MAML3: variants seen among roughly 807,000 people sequenced by gnomAD.
MAML3 encodes the protein mastermind-like protein 3.
MAML3 carries 27 observed loss-of-function variants against 101.9 expected under a neutral mutation model. The ratio of observed to expected loss-of-function variants is 0.27; its 90% CI spans 0.20 to 0.37. MAML3 has a LOEUF of 0.37. MAML3 is among the 10% of genes least tolerant of loss of function. The pLI, the probability that MAML3 is intolerant of heterozygous loss-of-function variation, is 1.00. For missense variants in MAML3, 1,316 were observed against 1,444.9 expected (o/e 0.91, Z 1.45); for synonymous variants, 501 against 555.9 (o/e 0.90, Z 1.39).
chr4:139,965,641 ACTGTTT>A (rs1396300484), intron 1 of MAML3, among the ~76,000 whole-genome samples: 25 of 152,186 alleles, frequency 1.6e-4, no homozygotes, highest in African/African-American at 6.0e-4. Context: ...AACATATATA[ACTGTTT>A]CTAACACATC....
intron 1 of MAML3, among the ~76,000 whole-genome samples, chr4:139,991,330 G>A (rs1734667585): frequency 6.6e-6 from 1 of 152,150 alleles, no homozygotes; most frequent in Admixed American, 6.5e-5. Context: ...AAACGGTGCT[G>A]GGAAAACAGG....
intron 2 of MAML3, among the ~76,000 whole-genome samples, chr4:139,765,808 T>C (rs903079374): frequency 1.3e-5 from 2 of 151,938 alleles, no homozygotes; most frequent in African/African-American, 4.8e-5. Context: ...CATAGCAAGA[T>C]TTTGTCTGCA....
chr4:139,937,377 T>C (rs1370468926), intron 1 of MAML3, among the ~76,000 whole-genome samples: 2 of 151,938 alleles, frequency 1.3e-5, no homozygotes, highest in Non-Finnish European at 2.9e-5. Context: ...GTCTAGACAA[T>C]GATCTAGCAA....
chr4:139,912,493 C>T (rs1357825824), intron 1 of MAML3, among the ~76,000 whole-genome samples: 1 of 152,216 alleles, frequency 6.6e-6, no homozygotes, highest in African/African-American at 2.4e-5. Flanking sequence ...AAATTGCGTC[C>T]TCCCCAGCAA....
At position 139,726,685 on chromosome 4, in the gene MAML3, A is replaced by T. The variant is rs558790914; in HGVS notation, c.2332-850T>A. On this transcript the variant is annotated intron_variant, in intron 3 of 4. Coordinates refer to ENST00000509479, the MANE Select transcript of MAML3 (RefSeq NM_018717.5). ...GCCTGTAAAATACATCTCTACATGT[A>T]AACTATTCAGCATTTACTGCTTTGA... is the stretch of plus-strand genomic sequence containing the variant. Among the ~76,000 whole-genome samples, 11 of 151,952 alleles carry T rather than the reference A, an allele frequency of 7.2e-5. No homozygotes were observed. In the East Asian group the frequency reaches 2.1e-3, roughly 28 times the overall value.
intron 2 of MAML3, among the ~76,000 whole-genome samples, chr4:139,840,617 T>C (rs1324331295): frequency 6.6e-6 from 1 of 152,114 alleles, no homozygotes; most frequent in African/African-American, 2.4e-5. Context: ...TCAAAATGAG[T>C]GTATCATTGA....
chr4:139,927,087 G>A (rs373082033), intron 1 of MAML3, among the ~76,000 whole-genome samples: 1 of 32,754 alleles, frequency 3.1e-5, no homozygotes, highest in African/African-American at 1.2e-4. Context: ...TTTTTTTTTT[G>A]TACTTTTTGT....
At position 139,717,178 on chromosome 4, in the gene MAML3, A is replaced by G. The variant is rs865870644; in HGVS notation, c.*2145T>C. Reference sequence around the variant, plus strand: ...GTAGTAAAAACAAAACCAAAACAAAACCACCATATTAAAATCTACCTATTA... The same window carrying G: ...GTAGTAAAAACAAAACCAAAACAAAGCCACCATATTAAAATCTACCTATTA... On this transcript the variant is annotated 3_prime_UTR_variant, in exon 5 of 5. Coordinates refer to ENST00000509479, the MANE Select transcript of MAML3 (RefSeq NM_018717.5). The G allele has an allele frequency of 1.3e-5, 2 of 152,586 alleles. No individual in the cohort carries two copies. The highest frequency in any genetic ancestry group is 4.8e-5 in the African/African-American group (2 of 41,424). 9.5% of individuals were successfully genotyped at this position (152,586 alleles called of 1,614,324 possible). A position where few individuals can be genotyped will look rare whatever the true frequency, so the allele number is the denominator to read the frequency against.
At chr4:140,145,727 G>A (rs1252274825) in intron 1 of MAML3, among the ~76,000 whole-genome samples, 5 of 151,266 alleles carry the variant, frequency 3.3e-5, no homozygotes, top group Non-Finnish European at 7.4e-5. Context: ...CACCACGCCC[G>A]GCTAATTTTT....
chr4:139,847,666 A>G (rs1731473742), intron 2 of MAML3, among the ~76,000 whole-genome samples: 1 of 152,234 alleles, frequency 6.6e-6, no homozygotes, highest in Non-Finnish European at 1.5e-5. Context: ...AATACTTTCT[A>G]GCTATGCCCT....
chr4:139,940,943 T>C (rs1733586136), intron 1 of MAML3, among the ~76,000 whole-genome samples: 1 of 152,222 alleles, frequency 6.6e-6, no homozygotes, highest in South Asian at 2.1e-4. Context: ...ATTAATGATA[T>C]TGTCCTATAA....
intron 1 of MAML3, among the ~76,000 whole-genome samples, chr4:139,954,890 A>G (rs187444569): frequency 2.2e-4 from 33 of 152,344 alleles, no homozygotes; most frequent in Admixed American, 1.3e-3. Context: ...ATATACAAAA[A>G]TAATGTATCG....
chr4:139,811,810 GT>G (rs1307619688), intron 2 of MAML3, among the ~76,000 whole-genome samples: 2 of 152,286 alleles, frequency 1.3e-5, no homozygotes, highest in African/African-American at 4.8e-5. Context: ...CATATTAAGT[GT>G]CAGAGAGGAG....
intron 2 of MAML3, among the ~76,000 whole-genome samples, chr4:139,763,530 C>T (rs759341493): frequency 3.0e-4 from 45 of 152,072 alleles, no homozygotes; most frequent in Non-Finnish European, 4.7e-4. Flanking sequence ...GTTAAAGGTT[C>T]AGGGGGAGCC....
chr4:140,129,365 G>A (rs1186404882), intron 1 of MAML3, among the ~76,000 whole-genome samples: 1 of 152,136 alleles, frequency 6.6e-6, no homozygotes, highest in Non-Finnish European at 1.5e-5. Flanking sequence ...ATTCTACAAA[G>A]AAGGTGACTC....
At chr4:139,855,530 C>T (rs1731643050) in intron 2 of MAML3, among the ~76,000 whole-genome samples, 1 of 152,146 alleles carries the variant, frequency 6.6e-6, no homozygotes, top group African/African-American at 2.4e-5. Flanking sequence ...GTGTTCTTTG[C>T]TTCATATTTC....
intron 1 of MAML3, among the ~76,000 whole-genome samples, chr4:140,064,081 C>T (rs1727491784): frequency 6.6e-6 from 1 of 152,206 alleles, no homozygotes; most frequent in Non-Finnish European, 1.5e-5. Flanking sequence ...CCATTTCTTA[C>T]ATCGTCCCCA....
chr4:139,898,613 G>A (rs1412807342), intron 1 of MAML3, among the ~76,000 whole-genome samples: 1 of 152,254 alleles, frequency 6.6e-6, no homozygotes, highest in African/African-American at 2.4e-5. Context: ...AAGGCTTGAA[G>A]ATAAGAGAGT....
intron 1 of MAML3, among the ~76,000 whole-genome samples, chr4:140,046,907 G>C (rs1163804719): frequency 6.6e-6 from 1 of 152,084 alleles, no homozygotes. Context: ...GTGGAATATA[G>C]GAGAGTGGCT....
Sources: allele counts gnomAD v4.1 joint callset (sites outside exome capture counted in the v4.1 genomes callset), GRCh38; gene constraint gnomAD v4.1.1; transcripts MANE v1.5; gene names NCBI Gene and HGNC (gene_info 2026-07-23, HGNC 2026-07-21).